CAMK2A: variants seen among roughly 807,000 people sequenced by gnomAD.
CAMK2A encodes calcium/calmodulin-dependent protein kinase type II subunit alpha.
In CAMK2A, 7 loss-of-function variants were observed where a neutral mutation model predicts 79.2. The observed-to-expected ratio is 0.09, with a 90% confidence interval of 0.05 to 0.17. The LOEUF is 0.17. Among genes scored for constraint, CAMK2A ranks in the 10% least tolerant of loss-of-function variants. The pLI is 1.00. For synonymous variants in CAMK2A, 242 were observed against 251.7 expected (o/e 0.96, Z 0.36); for missense variants, 214 against 646.4 (o/e 0.33, Z 7.25).
rs1562165963 is a variant in CAMK2A at position 150,251,795 on chromosome 5, C to T, written c.648G>A (p.Glu216=). Reference sequence around the variant, plus strand: ...TCTGCTGGTACAGGCGGTGCTGGTCCTCATCCCAGAACGGGGGGTACCCAA... The same window carrying T: ...TCTGCTGGTACAGGCGGTGCTGGTCTTCATCCCAGAACGGGGGGTACCCAA... ...LLVGYPPFWD[E]DQHRLYQQIK... is the part of the protein sequence containing the mutation. The change falls in exon 9 of 19, where the codon GAG becomes GAA. Residue 216 remains glutamate (E), a synonymous_variant. Transcript: ENST00000671881. 6.2e-7 allele frequency: 1 copy of T among 1,609,890 alleles called. No homozygotes were observed. The highest frequency in any genetic ancestry group is 8.5e-7 in the Non-Finnish European group (1 of 1,178,018).
At chr5:150,287,446 C>T (rs1450826976) in intron 1 of CAMK2A, among the ~76,000 whole-genome samples, 1 of 152,152 alleles carries the variant, frequency 6.6e-6, no homozygotes, top group Non-Finnish European at 1.5e-5. Flanking sequence ...TGCCTGCTAC[C>T]CTCGGTTTTC....
intron 12 of CAMK2A, among the ~76,000 whole-genome samples, chr5:150,246,363 C>T (rs1755567587): frequency 6.6e-6 from 1 of 152,180 alleles, no homozygotes; most frequent in Non-Finnish European, 1.5e-5. Flanking sequence ...GGAGTGCTTT[C>T]TCCTCGAGCC....
At chr5:150,224,554 G>C (rs1170914330) in intron 17 of CAMK2A, among the ~76,000 whole-genome samples, 4 of 151,970 alleles carry the variant, frequency 2.6e-5, no homozygotes, top group Admixed American at 2.0e-4. Context: ...CTACACCCAG[G>C]CTTTGAATAA....
intron 6 of CAMK2A, 115 bp from the exon 7 acceptor site, chr5:150,253,661 CG>C: frequency 9.3e-6 from 8 of 860,232 alleles, no homozygotes; most frequent in South Asian, 1.5e-5. Flanking sequence ...CCCGGCCCTC[CG>C]GGGCCCCTGC....
chr5:150,231,341 A>G lies in CAMK2A; in HGVS notation c.1106T>C (p.Ile369Thr). ...AAAATCTCCATTGCTTATGGCTTCA[A>G]TCAGCTGCTCTGTCACTTTTATAAT... Reference protein sequence around the residue: ...QEIIKVTEQLIEAISNGDFES... With the variant: ...QEIIKVTEQLTEAISNGDFES... The change falls in exon 16 of 19, where the codon ATT (isoleucine) becomes ACT (threonine). Residue 369 changes from isoleucine (I) to threonine (T), a missense_variant. By Grantham distance (89) the Ile-to-Thr change is moderately conservative. This residue lies in a region of CAMK2A where 123 missense variants were observed against 242.4 expected (regional missense o/e 0.51). Coordinates refer to ENST00000671881, the MANE Select transcript of CAMK2A (RefSeq NM_015981.4). 6.3e-7 allele frequency: 1 copy of G among 1,593,128 alleles called. No individual in the cohort carries two copies. Among genetic ancestry groups the G allele is most frequent in the Non-Finnish European group, 8.5e-7 (1 of 1,170,202 alleles).
At chr5:150,280,780 C>T (rs536743455) in intron 1 of CAMK2A, among the ~76,000 whole-genome samples, 5 of 152,266 alleles carry the variant, frequency 3.3e-5, no homozygotes, top group Admixed American at 6.5e-5. Context: ...CTCTCCCAGC[C>T]TTCTCCATCA....
At chr5:150,288,521 C>A (rs1757528085) in intron 1 of CAMK2A, among the ~76,000 whole-genome samples, 2 of 152,134 alleles carry the variant, frequency 1.3e-5, no homozygotes, top group Non-Finnish European at 2.9e-5. Context: ...CCTTCTACAG[C>A]CACACACATC....
rs533457358 is a variant in CAMK2A at position 150,230,886 on chromosome 5, G to A, written c.1142+419C>T. On this transcript the variant is annotated intron_variant, in intron 16 of 18. Coordinates refer to ENST00000671881, the MANE Select transcript of CAMK2A (RefSeq NM_015981.4). ...GCTTGCTCCTGCCCATCTGAGGTCAGAGGTCCAAGGGAGTCTAGGGTGAGC... is the reference window on the plus strand; with the variant it reads ...GCTTGCTCCTGCCCATCTGAGGTCAAAGGTCCAAGGGAGTCTAGGGTGAGC... 1.4e-3 allele frequency among the ~76,000 whole-genome samples: 211 copies of A among 152,348 alleles called. 2 individuals carry two copies. Among genetic ancestry groups the A allele is most frequent in the Non-Finnish European group, 2.4e-3 (163 of 68,034 alleles).
intron 15 of CAMK2A, 24 bp from the exon 16 acceptor site, chr5:150,231,404 AAATAATAATAATAATAAT>A (rs35699794): frequency 2.8e-5 from 14 of 493,326 alleles, no homozygotes; most frequent in South Asian, 2.1e-4. Context: ...GGGGACACAG[AAATAATAATAATAATAAT>A]AATAATAATA....
In CAMK2A at chr5:150,219,557, C is replaced by A. The variant is rs565168735; in HGVS notation, c.*3153G>T. The A allele has an allele frequency of 2.2e-5, 2 of 89,232 alleles. No homozygotes were observed. The highest frequency in any genetic ancestry group is 3.5e-5 in the African/African-American group (1 of 28,736). The allele number at this position is 89,232 out of a possible 1,614,324, so 5.5% of individuals were successfully genotyped here. ...AGAATAAAACAAACGCCCCTTCTTC[C>A]CATCCCACCCGCCCCCCCCAATAGC... On this transcript the variant is annotated 3_prime_UTR_variant, in exon 19 of 19. Coordinates refer to ENST00000671881, the MANE Select transcript of CAMK2A (RefSeq NM_015981.4).
chr5:150,239,483 T>G (rs1755243735), intron 14 of CAMK2A, among the ~76,000 whole-genome samples: 1 of 152,160 alleles, frequency 6.6e-6, no homozygotes. Context: ...TCAGGTCTGC[T>G]GTCAGCCTGC....
intron 3 of CAMK2A, among the ~76,000 whole-genome samples, 168 bp from the exon 4 acceptor site, chr5:150,257,785 G>T (rs1239222115): frequency 1.3e-5 from 2 of 152,158 alleles, no homozygotes; most frequent in South Asian, 4.1e-4. Context: ...AGGGCTCACT[G>T]CATTGAGTCC....
chr5:150,225,746 ATTATTATTATTTT>A (rs1184326533), intron 17 of CAMK2A, among the ~76,000 whole-genome samples: 3 of 41,016 alleles, frequency 7.3e-5, no homozygotes, highest in Non-Finnish European at 2.8e-4. Flanking sequence ...TGTTATTATT[ATTATTATTATTTT>A]TTTTAGATGG....
In CAMK2A at chr5:150,253,879, A is replaced by AGCG. The variant is rs1379770726; in HGVS notation, c.412-334_412-333insCGC. Among the ~76,000 whole-genome samples the AGCG allele has an allele frequency of 4.9e-3, 707 of 144,396 alleles. 6 individuals carry two copies. The highest frequency in any genetic ancestry group is 0.02 in the African/African-American group (686 of 34,100). The allele number at this position is 144,396 out of a possible 152,430, so 94.7% of individuals were successfully genotyped here. On this transcript the variant is annotated intron_variant, in intron 6 of 18. Coordinates refer to ENST00000671881, the MANE Select transcript of CAMK2A (RefSeq NM_015981.4). ...ATAAAGCAGCAGCAGCAGCAGCAGC[A>AGCG]TTGATTGTGCCCCTACTATATGTCA...
intron 15 of CAMK2A, among the ~76,000 whole-genome samples, chr5:150,234,741 T>C (rs1473050630): frequency 6.6e-6 from 1 of 152,150 alleles, no homozygotes; most frequent in Non-Finnish European, 1.5e-5. Flanking sequence ...AGCAGCCTGA[T>C]ATGAGGGGGT....
chr5:150,287,527 C>T lies in CAMK2A; in HGVS notation c.62+2037G>A, dbSNP rs149034726. Among the ~76,000 whole-genome samples, 11 of 152,300 alleles carry T rather than the reference C, an allele frequency of 7.2e-5. 1 individual carries two copies. In the East Asian group the frequency reaches 2.1e-3, roughly 29 times the overall value. On this transcript the variant is annotated intron_variant, in intron 1 of 18. Transcript: ENST00000671881. ...GAAGGCTCACGAAGGGTCTCTCTACCAAGTTGCCCCCACAAAACCCAGTCT... is the reference window on the plus strand; with the variant it reads ...GAAGGCTCACGAAGGGTCTCTCTACTAAGTTGCCCCCACAAAACCCAGTCT...
At chr5:150,248,671 T>C (rs1173401551) in intron 11 of CAMK2A, among the ~76,000 whole-genome samples, 11 of 152,134 alleles carry the variant, frequency 7.2e-5, no homozygotes, top group Admixed American at 3.9e-4. Context: ...GAACTCATCA[T>C]TTTTTATGGC....
chr5:150,280,001 G>C (rs1757142275), intron 1 of CAMK2A, among the ~76,000 whole-genome samples: 1 of 152,206 alleles, frequency 6.6e-6, no homozygotes, highest in African/African-American at 2.4e-5. Flanking sequence ...GCACTAGATG[G>C]GGAGTCAGAA....
At chr5:150,277,909 G>A (rs1757023108) in intron 1 of CAMK2A, among the ~76,000 whole-genome samples, 1 of 152,176 alleles carries the variant, frequency 6.6e-6, no homozygotes, top group African/African-American at 2.4e-5. Context: ...CAAGTGAGCA[G>A]GCATATTCTT....
Sources: allele counts gnomAD v4.1 joint callset (sites outside exome capture counted in the v4.1 genomes callset), GRCh38; gene constraint gnomAD v4.1.1; regional missense constraint gnomAD v4.1.1; transcripts MANE v1.5; gene names NCBI Gene and HGNC (gene_info 2026-07-23, HGNC 2026-07-21).